The following TTN variants were observed in gnomAD, a reference collection of about 807,000 sequenced individuals.
The protein encoded by TTN is titin, also known as connectin.
Under a neutral mutation model 3,223.0 loss-of-function variants are expected in TTN, and 1,525 were observed. The observed-to-expected ratio is 0.47, with a 90% CI of 0.45 to 0.49. TTN has a LOEUF of 0.49. Ranked by LOEUF, TTN falls within the 20% of genes least tolerant of loss-of-function variation. The pLI, the probability that TTN is intolerant of heterozygous loss-of-function variation, is 0.00. For synonymous variants in TTN, 14,094 were observed against 15,161.0 expected, an observed-to-expected ratio of 0.93 and a Z score of 5.17; for missense variants, 40,786 against 43,424.0, an observed-to-expected ratio of 0.94 and a Z score of 5.40.
At position 178,602,511 on chromosome 2, in the gene TTN, G is replaced by A. The variant is rs1404387312; in HGVS notation, c.54891C>T (p.Ala18297=). The A allele has an allele frequency of 1.9e-6, 3 of 1,609,312 alleles. No individual in the cohort carries two copies. The highest frequency in any genetic ancestry group is 1.3e-5 in the African/African-American group (1 of 74,704). ...CTTTGATTGGGCTGCCACCATCTTT[G>A]GCTGGAGGTTTCCATCCTAGTGAGA... is the stretch of plus-strand genomic sequence containing the variant. The part of the protein sequence containing the change: ...SSISLGWKPP[A]KDGGSPIKGY... The change falls in exon 283 of 363, where the codon GCC becomes GCT. Residue 18297 remains alanine (A), a synonymous_variant. Transcript: ENST00000589042.
Position 178,572,540 on chromosome 2 carries a change from A to T in TTN, c.73592T>A (p.Val24531Asp). ...GPPQDLKVKE[V>D]TKTSVTLTWD... Reference sequence around the variant, plus strand: ...TGTGAGTGTGACAGATGTCTTAGTGACCTCTTTTACCTTCAGATCCTGTGG... The same window carrying T: ...TGTGAGTGTGACAGATGTCTTAGTGTCCTCTTTTACCTTCAGATCCTGTGG... The change falls in exon 326 of 363, where the codon GTC becomes GAC. Residue 24531 changes from valine to aspartate, a missense_variant. Physicochemically the swap from Val to Asp is radical, Grantham distance 152. Transcript: ENST00000589042. The T allele has an allele frequency of 6.2e-7, 1 of 1,613,336 alleles. No homozygotes were observed. The highest frequency in any genetic ancestry group is 2.2e-5 in the East Asian group (1 of 44,764).
At chr2:178,801,346 AAAC>A (rs1328132662) in intron 3 of TTN, among the ~76,000 whole-genome samples, 2 of 152,186 alleles carry the variant, frequency 1.3e-5, no homozygotes, top group Non-Finnish European at 2.9e-5. Context: ...TTTGAGTAAT[AAAC>A]AACAGCAGGT....
At chr2:178,542,217 T>G (rs1351394815) in intron 349 of TTN, 47 bp downstream of exon 349, 5 of 1,538,700 alleles carry the variant, frequency 3.2e-6, no homozygotes, top group Non-Finnish European at 3.5e-6. Flanking sequence ...TTTGTTAACA[T>G]TCAGAATCAG....
chr2:178,552,439 G>A lies in TTN; in HGVS notation c.90461C>T (p.Pro30154Leu). 6.2e-7 allele frequency: 1 copy of A among 1,603,010 alleles called. No individual in the cohort carries two copies. Among genetic ancestry groups the A allele is most frequent in the Non-Finnish European group, 8.5e-7 (1 of 1,171,856 alleles). Residue 30154 changes from proline (P) to leucine (L), a missense_variant, in exon 335 of 363, where the codon CCT becomes CTT. Physicochemically the swap from Pro to Leu is moderately conservative, Grantham distance 98. Coordinates refer to ENST00000589042, the MANE Select transcript of TTN (RefSeq NM_001267550.2). ...GGATGGTTTGGGTTTTCCCTTATAA[G>A]GTAATTCAAGGTGCACATTGTGCCC... ...RIGHNVHLEL[P>L]YKGKPKPSIS... is the part of the protein sequence containing the mutation.
Position 178,799,669 on chromosome 2 carries a change from G to C in TTN, c.732C>G (p.Ala244=), listed in dbSNP as rs761859812. The change falls in exon 6 of 363, where the codon GCC becomes GCG. Residue 244 remains alanine (A), a synonymous_variant. Transcript: ENST00000589042. ...IATVEMVIDG[A]AGQQLPHKTP... ...TTTTATGTGGCAGCTGTTGCCCAGC[G>C]GCACCATCTATGACCATCTCAACTG... is the stretch of plus-strand genomic sequence containing the variant. The C allele has an allele frequency of 7.4e-6, 12 of 1,614,000 alleles. 1 individual carries two copies. The highest frequency in any genetic ancestry group is 4.0e-5 in the African/African-American group (3 of 74,898).
At chr2:178,796,939 A>G (rs2093800502) in intron 6 of TTN, among the ~76,000 whole-genome samples, 1 of 152,232 alleles carries the variant, frequency 6.6e-6, no homozygotes, top group African/African-American at 2.4e-5. Context: ...AATCAAGATT[A>G]AACTATGAGA....
chr2:178,634,420 C>A lies in TTN; in HGVS notation c.42361G>T (p.Val14121Phe). Residue 14121 changes from valine (V) to phenylalanine (F), a missense_variant, in exon 230 of 363, where the codon GTC (valine) becomes TTC (phenylalanine). Val to Phe is a conservative substitution (Grantham distance 50). Coordinates refer to ENST00000589042, the MANE Select transcript of TTN (RefSeq NM_001267550.2). This position sits in a 1 kb window ranked among gnomAD's most constrained non-coding sequence, Gnocchi z 4.6. Reference sequence around the variant, plus strand: ...TTGCCCTCCACCTCAGCAGTATAGACCCCTTCATCATCAAATTGAGAATCA... The same window carrying A: ...TTGCCCTCCACCTCAGCAGTATAGAACCCTTCATCATCAAATTGAGAATCA... Reference protein sequence around the residue: ...INDSQFDDEGVYTAEVEGKKT... With the variant: ...INDSQFDDEGFYTAEVEGKKT... 4 of 1,613,046 alleles carry A rather than the reference C, an allele frequency of 2.5e-6. No homozygotes were observed. Among genetic ancestry groups the A allele is most frequent in the South Asian group, 1.1e-5 (1 of 91,042 alleles).
At position 178,569,982 on chromosome 2, in the gene TTN, C is replaced by T; in HGVS notation, c.76150G>A (p.Ala25384Thr). Residue 25384 changes from alanine to threonine, a missense_variant, in exon 326 of 363, where the codon GCT becomes ACT. By Grantham distance (58) the Ala-to-Thr change is moderately conservative. Coordinates refer to ENST00000589042, the MANE Select transcript of TTN (RefSeq NM_001267550.2). ...GGGCTTGGTTCACTAAGTCCAGCAG[C>T]ATTCTCAGCAGAAACTCTGAACTCA... ...DYEFRVSAEN[A>T]AGLSEPSPPS... The T allele has an allele frequency of 2.5e-6, 4 of 1,612,204 alleles. No individual in the cohort carries two copies. Among genetic ancestry groups the T allele is most frequent in the Non-Finnish European group, 3.4e-6 (4 of 1,178,810 alleles).
chr2:178,748,185 A>C, intron 47 of TTN: 1 of 1,613,168 alleles, frequency 6.2e-7, no homozygotes, highest in Non-Finnish European at 8.5e-7. Context: ...TCTGCAGATG[A>C]GGTTGGAAGT....
chr2:178,577,717 T>C lies in TTN; in HGVS notation c.68709A>G (p.Val22903=). 6.2e-7 allele frequency: 1 copy of C among 1,613,446 alleles called. No homozygotes were observed. The highest frequency in any genetic ancestry group is 8.5e-7 in the Non-Finnish European group (1 of 1,179,598). Residue 22903 remains valine, a synonymous_variant, in exon 323 of 363, where the codon GTA becomes GTG. Transcript: ENST00000589042. The stretch of plus-strand genomic sequence containing the variant: ...ATTTTCCACCCTCAACAAGGTCAGT[T>C]ACAGTAAAGGCACATTCTGGGACAT... ...HVNVPECAFT[V]TDLVEGGKYE...
At chr2:178,748,647 GTTTTA>G (rs778976378) in intron 47 of TTN, 3 of 1,612,982 alleles carry the variant, frequency 1.9e-6, no homozygotes, top group South Asian at 2.2e-5. Context: ...ACATCTGTGT[GTTTTA>G]TTTGAGTGTG....
chr2:178,553,600 G>T lies in TTN; in HGVS notation c.89405C>A (p.Pro29802His), dbSNP rs769366983. The change falls in exon 334 of 363, where the codon CCT becomes CAT. Residue 29802 changes from proline (P) to histidine (H), a missense_variant. Pro to His is a moderately conservative substitution (Grantham distance 77). Coordinates refer to ENST00000589042, the MANE Select transcript of TTN (RefSeq NM_001267550.2). Reference sequence around the variant, plus strand: ...TACCCGGAAGTAGTAATTGACTCCAGGTTTCAGGTTGGATACCACATATTC... The same window carrying T: ...TACCCGGAAGTAGTAATTGACTCCATGTTTCAGGTTGGATACCACATATTC... ...TTEYVVSNLKPGVNYYFRVSA... is the reference protein window; with the variant it reads ...TTEYVVSNLKHGVNYYFRVSA... The T allele has an allele frequency of 6.8e-6, 11 of 1,613,872 alleles. No homozygotes were observed. Among genetic ancestry groups the T allele is most frequent in the Admixed American group, 3.3e-5 (2 of 60,018 alleles).
chr2:178,730,021 T>TCGCCCCCCCCC, intron 62 of TTN, 72 bp downstream of exon 62: 1 of 1,558,126 alleles, frequency 6.4e-7, no homozygotes, highest in Non-Finnish European at 8.8e-7. Context: ...GTCTTAAGCG[T>TCGCCCCCCCCC]CCCCCGCCCC....
Position 178,595,813 on chromosome 2 carries a change from G to T in TTN, c.57545-4C>A, listed in dbSNP as rs1475396962. 1 of 1,580,638 alleles carries T rather than the reference G, an allele frequency of 6.3e-7. No homozygotes were observed. Among genetic ancestry groups the T allele is most frequent in the Non-Finnish European group, 8.6e-7 (1 of 1,163,440 alleles). On this transcript the variant is annotated splice_region_variant and splice_polypyrimidine_tract_variant and intron_variant, in intron 294 of 362. Coordinates refer to ENST00000589042, the MANE Select transcript of TTN (RefSeq NM_001267550.2). ...GTTCCAACGGGACCTGGAACATCTG[G>T]AAATAAGAAGAAAATAATTCAAGCT...
chr2:178,577,795 T>C lies in TTN; in HGVS notation c.68631A>G (p.Ile22877Met), dbSNP rs776873491. The C allele has an allele frequency of 6.2e-7, 1 of 1,612,282 alleles. No individual in the cohort carries two copies. Among genetic ancestry groups the C allele is most frequent in the Non-Finnish European group, 8.5e-7 (1 of 1,179,244 alleles). ...TCGAAGGTAGATCTCGCTTCTCCAC[T>C]ATATATCCAGTTAACTTATGACCAC... ...YDGGHKLTGY[I>M]VEKRDLPSKS... The change falls in exon 323 of 363, where the codon ATA becomes ATG. Residue 22877 changes from isoleucine to methionine, a missense_variant. Ile to Met is a conservative substitution (Grantham distance 10). Coordinates refer to ENST00000589042, the MANE Select transcript of TTN (RefSeq NM_001267550.2).
Position 178,553,033 on chromosome 2 carries a change from G to A in TTN, c.89867C>T (p.Pro29956Leu). The change falls in exon 335 of 363, where the codon CCT becomes CTT. Residue 29956 changes from proline (P) to leucine (L), a missense_variant. Coordinates refer to ENST00000589042, the MANE Select transcript of TTN (RefSeq NM_001267550.2). ...TGGAGATCCTCCATCAATGAGAGGA[G>A]GATCCCAGAGCAAAGTGACTGTGCC... ...SRGTVTLLWD[P>L]PLIDGGSPII... 3 of 1,611,816 alleles carry A rather than the reference G, an allele frequency of 1.9e-6. No homozygotes were observed. Among genetic ancestry groups the A allele is most frequent in the Non-Finnish European group, 1.7e-6 (2 of 1,179,746 alleles).
Position 178,533,255 on chromosome 2 carries a change from C to T in TTN, c.103360G>A (p.Glu34454Lys), listed in dbSNP as rs748865243. Residue 34454 changes from glutamate to lysine, a missense_variant, in exon 358 of 363, where the codon GAA becomes AAA. By Grantham distance (56) the Glu-to-Lys change is moderately conservative. Coordinates refer to ENST00000589042, the MANE Select transcript of TTN (RefSeq NM_001267550.2). Reference sequence around the variant, plus strand: ...TCCTGTTTCTTGTACCTCAGGCGTTCCACTTGTAGGTGAGCCTGGCAGCTG... The same window carrying T: ...TCCTGTTTCTTGTACCTCAGGCGTTTCACTTGTAGGTGAGCCTGGCAGCTG... ...STSCQAHLQV[E>K]RLRYKKQEFK... The T allele has an allele frequency of 6.2e-7, 1 of 1,613,894 alleles. No individual in the cohort carries two copies. Among genetic ancestry groups the T allele is most frequent in the South Asian group, 1.1e-5 (1 of 91,078 alleles).
In TTN at chr2:178,542,309, C is replaced by A; in HGVS notation, c.97447G>T (p.Gly32483Cys). The A allele has an allele frequency of 1.2e-6, 2 of 1,612,366 alleles. No homozygotes were observed. Among genetic ancestry groups the A allele is most frequent in the Non-Finnish European group, 1.7e-6 (2 of 1,179,196 alleles). ...ATGACCTCAGACTGCAAGTAAGAGC[C>A]AATCCCGAAGCGGTTTGTTGCAGCC... The part of the protein sequence containing the change: ...RVAATNRFGI[G>C]SYLQSEVIEC... The change falls in exon 349 of 363, where the codon GGC (glycine) becomes TGC (cysteine). Residue 32483 changes from glycine (G) to cysteine (C), a missense_variant. Transcript: ENST00000589042.
rs748120315 is a variant in TTN, at chr2:178,592,028, C to T, written c.59876G>A (p.Arg19959His). 2.7e-5 allele frequency: 43 copies of T among 1,613,110 alleles called. No homozygotes were observed. Among genetic ancestry groups the T allele is most frequent in the Non-Finnish European group, 3.1e-5 (37 of 1,179,520 alleles). ...FRVAAENQYG[R>H]GPFVETPKPI... ...TTTTGGTGTTTCAACAAAAGGACCA[C>T]GTCCATACTGGTTCTCCGCAGCTAC... Residue 19959 changes from arginine to histidine, a missense_variant, in exon 302 of 363, where the codon CGT becomes CAT. Coordinates refer to ENST00000589042, the MANE Select transcript of TTN (RefSeq NM_001267550.2).
Sources: allele counts gnomAD v4.1 joint callset (sites outside exome capture counted in the v4.1 genomes callset), GRCh38; gene constraint gnomAD v4.1.1; non-coding constraint Gnocchi (gnomAD v3.1); transcripts MANE v1.5; gene names NCBI Gene and HGNC (gene_info 2026-07-23, HGNC 2026-07-21).